Variants in RSBN1L observed in about 807,000 individuals in gnomAD.
RSBN1L encodes lysine-specific demethylase RSBN1L.
In RSBN1L, 30 loss-of-function variants were observed where a neutral mutation model predicts 67.7. The ratio of observed to expected loss-of-function variants is 0.44; its 90% CI spans 0.33 to 0.60. The LOEUF (loss-of-function observed/expected upper bound fraction) is 0.60. RSBN1L is among the 20% of genes least tolerant of loss of function. RSBN1L has a pLI of 0.02. For missense variants in RSBN1L, 992 were observed against 1,031.7 expected (o/e 0.96, Z 0.53); for synonymous variants, 433 against 387.0 (o/e 1.12, Z -1.39).
rs1258369334 is a variant in RSBN1L at position 77,773,301 on chromosome 7, C to T, written c.1780C>T (p.His594Tyr). Residue 594 changes from histidine to tyrosine, a missense_variant, in exon 6 of 8, where the codon CAC becomes TAC. Coordinates refer to ENST00000334955, the MANE Select transcript of RSBN1L (RefSeq NM_198467.3). ...TGCTGTTGGAGTGCTGAAGGCTGTG[C>T]ACTGTGGAGAGTGGTATATATAACT... is the stretch of plus-strand genomic sequence containing the variant. Reference protein sequence around the residue: ...TAAVGVLKAVHCGEWPDQPRI... With the variant: ...TAAVGVLKAVYCGEWPDQPRI... 1 of 1,579,108 alleles carries T rather than the reference C, an allele frequency of 6.3e-7. No individual in the cohort carries two copies. The highest frequency in any genetic ancestry group is 8.6e-7 in the Non-Finnish European group (1 of 1,164,810).
chr7:77,781,147 G>C lies in RSBN1L; in HGVS notation c.*1979G>C, dbSNP rs983086027. The stretch of plus-strand genomic sequence containing the variant: ...AAAGTTAATTGCAGCAATGATGTCA[G>C]TTTTGGCCCCTAGTTTAATAAAAGG... On this transcript the variant is annotated 3_prime_UTR_variant, in exon 8 of 8. Transcript: ENST00000334955. 4 of 152,194 alleles carry C rather than the reference G, an allele frequency of 2.6e-5. No homozygotes were observed. Among genetic ancestry groups the C allele is most frequent in the Non-Finnish European group, 5.9e-5 (4 of 68,032 alleles). The allele number at this position is 152,194 out of a possible 1,614,324, so 9.4% of individuals were successfully genotyped here. A position where few individuals can be genotyped will look rare whatever the true frequency, so the allele number is the denominator to read the frequency against.
intron 3 of RSBN1L, among the ~76,000 whole-genome samples, chr7:77,763,754 C>T (rs555509786): frequency 6.9e-4 from 105 of 152,120 alleles, no homozygotes; most frequent in African/African-American, 2.3e-3. Flanking sequence ...GTGCAGTGGC[C>T]TGATGACAGC....
At chr7:77,732,097 T>A (rs1791279050) in intron 1 of RSBN1L, among the ~76,000 whole-genome samples, 1 of 152,218 alleles carries the variant, frequency 6.6e-6, no homozygotes, top group African/African-American at 2.4e-5. Context: ...TTTATGGTGT[T>A]AGAATTCTTA....
At chr7:77,764,731 A>G (rs1411664281) in intron 3 of RSBN1L, among the ~76,000 whole-genome samples, 2 of 151,276 alleles carry the variant, frequency 1.3e-5, no homozygotes, top group African/African-American at 2.4e-5. Flanking sequence ...GGTTCACGCC[A>G]TTCTCCTGCC....
chr7:77,773,137 TA>T lies in RSBN1L; in HGVS notation c.1626-4del. The T allele has an allele frequency of 6.5e-7, 1 of 1,529,742 alleles. No individual in the cohort carries two copies. The highest frequency in any genetic ancestry group is 1.3e-5 in the South Asian group (1 of 79,470). The allele number at this position is 1,529,742 out of a possible 1,614,324, so 94.8% of individuals were successfully genotyped here. A position where few individuals can be genotyped will look rare whatever the true frequency, so the allele number is the denominator to read the frequency against. On this transcript the variant is annotated splice_polypyrimidine_tract_variant and intron_variant, in intron 5 of 7. Transcript: ENST00000334955. ...CTATATAAATGTAATTTTCTTTTTT[TA>T]AAAAACAGAACTACCAATGAAATAA...
intron 3 of RSBN1L, among the ~76,000 whole-genome samples, chr7:77,764,525 G>GT (rs1791737338): frequency 1.3e-5 from 2 of 152,124 alleles, no homozygotes; most frequent in South Asian, 4.1e-4. Flanking sequence ...TCCAGTTAAG[G>GT]AAACCACAGC....
At position 77,778,772 on chromosome 7, in the gene RSBN1L, A is replaced by T. The variant is rs778744012; in HGVS notation, c.2145A>T (p.Thr715=). 6.2e-7 allele frequency: 1 copy of T among 1,614,156 alleles called. No homozygotes were observed. Among genetic ancestry groups the T allele is most frequent in the South Asian group, 1.1e-5 (1 of 91,076 alleles). ...THETGTSSDS[T]SSVLGPHTDN... Reference sequence around the variant, plus strand: ...AAACAGGCACATCATCAGATTCCACATCATCTGTTCTTGGACCTCACACTG... The same window carrying T: ...AAACAGGCACATCATCAGATTCCACTTCATCTGTTCTTGGACCTCACACTG... The change falls in exon 8 of 8, where the codon ACA becomes ACT. Residue 715 remains threonine, a synonymous_variant. Transcript: ENST00000334955.
intron 2 of RSBN1L, among the ~76,000 whole-genome samples, chr7:77,748,909 GTCTGTCTCTCTCTT>G (rs375598709): frequency 0.012 from 1,845 of 152,210 alleles, 16 homozygotes; most frequent in Middle Eastern, 0.034. Context: ...CTGTCTGTCT[GTCTGTCTCTCTCTT>G]TCTCTCTCTC....
intron 1 of RSBN1L, among the ~76,000 whole-genome samples, chr7:77,701,262 G>A (rs893889573): frequency 1.1e-4 from 17 of 151,426 alleles, no homozygotes; most frequent in African/African-American, 3.9e-4. Flanking sequence ...TAGGCCTGCT[G>A]CATAGCTGTC....
At position 77,773,329 on chromosome 7, in the gene RSBN1L, C is replaced by G. The variant is rs558915550; in HGVS notation, c.1793+15C>G. On this transcript the variant is annotated intron_variant, in intron 6 of 7. Transcript: ENST00000334955. ...TGTGGAGAGTGGTATATATAACTAC[C>G]GCTATTTTAATGAAAGAATTTCTTG... The G allele has an allele frequency of 7.7e-6, 11 of 1,436,144 alleles. No homozygotes were observed. The highest frequency in any genetic ancestry group is 9.2e-6 in the Non-Finnish European group (10 of 1,082,050). The allele number at this position is 1,436,144 out of a possible 1,614,324, so 89.0% of individuals were successfully genotyped here.
intron 5 of RSBN1L, among the ~76,000 whole-genome samples, chr7:77,769,146 C>CTGTGT (rs1791812768): frequency 6.6e-6 from 1 of 152,172 alleles, no homozygotes; most frequent in East Asian, 1.9e-4. Context: ...GAAAGCCCTG[C>CTGTGT]TGTGTTCTGG....
chr7:77,729,042 A>AT (rs760273450), intron 1 of RSBN1L, among the ~76,000 whole-genome samples: 21 of 151,944 alleles, frequency 1.4e-4, no homozygotes, highest in Non-Finnish European at 2.6e-4. Context: ...TATTGAAAAT[A>AT]TTTTGCTGGC....
chr7:77,745,877 G>C (rs913840030), intron 2 of RSBN1L, among the ~76,000 whole-genome samples: 2 of 152,168 alleles, frequency 1.3e-5, no homozygotes, highest in African/African-American at 4.8e-5. Flanking sequence ...TTAGGCATTA[G>C]AGTCTCCATA....
At chr7:77,744,357 A>C (rs1791452403) in intron 2 of RSBN1L, among the ~76,000 whole-genome samples, 1 of 147,864 alleles carries the variant, frequency 6.8e-6, no homozygotes, top group African/African-American at 2.5e-5. Flanking sequence ...TTTTTTTTAA[A>C]AATTAATTTT....
At chr7:77,697,179 C>A in intron 1 of RSBN1L, 124 bp downstream of exon 1, 2 of 1,094,818 alleles carry the variant, frequency 1.8e-6, no homozygotes, top group Non-Finnish European at 2.3e-6. Flanking sequence ...GGCTGGGAGG[C>A]GTCCGGTTTT....
In RSBN1L at chr7:77,702,025, A is replaced by G. The variant is rs116643247; in HGVS notation, c.586+4970A>G. Among the ~76,000 whole-genome samples the G allele has an allele frequency of 7.5e-3, 1,132 of 151,274 alleles. 17 individuals are homozygous for G. The highest frequency in any genetic ancestry group is 0.026 in the African/African-American group (1,073 of 41,176). On this transcript the variant is annotated intron_variant, in intron 1 of 7. Coordinates refer to ENST00000334955, the MANE Select transcript of RSBN1L (RefSeq NM_198467.3). ...GTACTGTCGCCCAGGCTGGAGTGCA[A>G]TGCAGTTTTGGCTCCCTGCAACCTC...
At chr7:77,723,822 TACTCGGGTGGCCGAGGCAAGAGA>T (rs1466314402) in intron 1 of RSBN1L, among the ~76,000 whole-genome samples, 2 of 152,056 alleles carry the variant, frequency 1.3e-5, no homozygotes, top group East Asian at 3.9e-4. Flanking sequence ...TAATCCCAGC[TACTCGGGTGGCCGAGGCAAGAGA>T]ACTGCTTTAA....
chr7:77,703,121 A>G lies in RSBN1L; in HGVS notation c.586+6066A>G, dbSNP rs373189596. Among the ~76,000 whole-genome samples, 20 of 152,158 alleles carry G rather than the reference A, an allele frequency of 1.3e-4. No homozygotes were observed. The South Asian group carries it at 2.1e-3, about 16-fold the overall frequency. On this transcript the variant is annotated intron_variant, in intron 1 of 7. Transcript: ENST00000334955. ...CTTGTCATTCATTTCATAAGTTTTT[A>G]CCTAGTCTCCCTGTTTTCATACCAG...
At chr7:77,731,313 A>G (rs1791268699) in intron 1 of RSBN1L, among the ~76,000 whole-genome samples, 1 of 152,062 alleles carries the variant, frequency 6.6e-6, no homozygotes, top group African/African-American at 2.4e-5. Context: ...TCCTGGACTC[A>G]AGTGATCCAT....
Sources: gnomAD v4.1 joint callset for allele counts (sites outside exome capture counted in the v4.1 genomes callset) on GRCh38, gnomAD v4.1.1 for gene constraint, MANE v1.5 for transcripts, NCBI Gene and HGNC (gene_info 2026-07-23, HGNC 2026-07-21) for gene names.